The following TUSC3 variants were observed in gnomAD, a reference collection of about 807,000 sequenced individuals.
TUSC3 encodes the protein dolichyl-diphosphooligosaccharide--protein glycosyltransferase subunit TUSC3.
Under a neutral mutation model 44.8 loss-of-function variants are expected in TUSC3, and 45 were observed. That is an observed-to-expected ratio of 1.00 (90% CI 0.79 to 1.29). TUSC3 has a LOEUF of 1.29. Among genes scored for constraint, TUSC3 ranks in the 50% most tolerant of loss-of-function variants. TUSC3 has a pLI of 0.00. For missense variants in TUSC3, 519 were observed against 437.9 expected, an observed-to-expected ratio of 1.19 and a Z score of -1.65; for synonymous variants, 212 against 152.9, an observed-to-expected ratio of 1.39 and a Z score of -2.85.
At chr8:15,828,398 C>T in the TUSC3 span, among the ~76,000 whole-genome samples, 1 of 152,170 alleles carries the variant, frequency 6.6e-6, no homozygotes, top group South Asian at 2.1e-4. Flanking sequence ...TATCTACTGT[C>T]TTAGTTTCTG....
chr8:15,621,670 T>C (rs1367865189), intron 1 of TUSC3, among the ~76,000 whole-genome samples: 2 of 148,918 alleles, frequency 1.3e-5, no homozygotes, highest in East Asian at 1.9e-4. Flanking sequence ...TATATATTTT[T>C]ATATATAAAT....
chr8:15,586,134 A>G (rs776172254), intron 1 of TUSC3, among the ~76,000 whole-genome samples: 6 of 152,210 alleles, frequency 3.9e-5, no homozygotes, highest in African/African-American at 7.2e-5. Flanking sequence ...TATAAGGTCA[A>G]GTCAGAGAAG....
chr8:15,631,905 C>T (rs990629339), intron 2 of TUSC3, among the ~76,000 whole-genome samples: 2 of 152,038 alleles, frequency 1.3e-5, no homozygotes, highest in African/African-American at 4.8e-5. Context: ...GATGGGGTTT[C>T]AGCGTGTTGG....
chr8:15,797,495 G>C, the TUSC3 span, among the ~76,000 whole-genome samples: 1 of 152,274 alleles, frequency 6.6e-6, no homozygotes, highest in African/African-American at 2.4e-5. Context: ...GGATTTATCA[G>C]TTACTTTTGC....
chr8:15,809,674 T>A, the TUSC3 span, among the ~76,000 whole-genome samples: 1 of 152,228 alleles, frequency 6.6e-6, no homozygotes, highest in Non-Finnish European at 1.5e-5. Context: ...TGAATGTAGT[T>A]TCTCTCTCTG....
At chr8:15,664,967 G>T (rs915466378) in intron 5 of TUSC3, among the ~76,000 whole-genome samples, 10 of 151,168 alleles carry the variant, frequency 6.6e-5, no homozygotes, top group Non-Finnish European at 8.9e-5. Flanking sequence ...AACTGAATTT[G>T]TTCATATGTA....
intron 6 of TUSC3, among the ~76,000 whole-genome samples, chr8:15,699,749 G>C (rs796214763): frequency 2.6e-5 from 4 of 152,228 alleles, no homozygotes; most frequent in African/African-American, 9.6e-5. Flanking sequence ...AAAGAGTATG[G>C]ACTTTTTTTA....
the TUSC3 span, among the ~76,000 whole-genome samples, chr8:15,785,386 G>C: frequency 1.3e-5 from 2 of 151,582 alleles, no homozygotes; most frequent in East Asian, 1.9e-4. Context: ...TCTTAGCCTA[G>C]ATATCTTTAA....
At chr8:15,798,193 C>A in the TUSC3 span, among the ~76,000 whole-genome samples, 1 of 152,318 alleles carries the variant, frequency 6.6e-6, no homozygotes, top group African/African-American at 2.4e-5. Flanking sequence ...ACCGTACATT[C>A]ATATGTGGAA....
At chr8:15,469,755 C>T (rs910333279) in intron 1 of TUSC3, among the ~76,000 whole-genome samples, 11 of 152,178 alleles carry the variant, frequency 7.2e-5, no homozygotes, top group Non-Finnish European at 1.0e-4. Context: ...AGATGTCCTT[C>T]AGTGGATGAA....
intron 8 of TUSC3, among the ~76,000 whole-genome samples, chr8:15,747,811 C>A (rs1811486070): frequency 6.6e-6 from 1 of 152,042 alleles, no homozygotes; most frequent in Non-Finnish European, 1.5e-5. Context: ...GGAGTTTTCT[C>A]CCCTCTGGTT....
chr8:15,608,579 G>A lies in TUSC3; in HGVS notation c.139-14501G>A, dbSNP rs186468213. ...TTCATTTGTAATTCCCATGTGTCAC[G>A]GGAGGAACCTGATGGGAGGTGATTG... On this transcript the variant is annotated intron_variant, in intron 1 of 10. Coordinates refer to ENST00000503731, the MANE Select transcript of TUSC3 (RefSeq NM_006765.4). 3.5e-3 allele frequency among the ~76,000 whole-genome samples: 527 copies of A among 152,170 alleles called. 4 individuals carry two copies. The highest frequency in any genetic ancestry group is 0.012 in the African/African-American group (508 of 41,526).
chr8:15,643,405 TA>T (rs1481787387), intron 2 of TUSC3, among the ~76,000 whole-genome samples: 2 of 130,830 alleles, frequency 1.5e-5, no homozygotes, highest in Admixed American at 7.5e-5. Flanking sequence ...ATGTTACTGT[TA>T]GTTGTTTTTT....
At chr8:15,822,767 C>T in the TUSC3 span, among the ~76,000 whole-genome samples, 84 of 152,256 alleles carry the variant, frequency 5.5e-4, no homozygotes, top group African/African-American at 1.9e-3. Context: ...GGATTATCAG[C>T]TCTCATCTGC....
At chr8:15,559,725 T>C (rs1384294723) in intron 1 of TUSC3, among the ~76,000 whole-genome samples, 2 of 126,234 alleles carry the variant, frequency 1.6e-5, no homozygotes, top group Middle Eastern at 4.2e-3. Context: ...AGTTAGCTCT[T>C]CTTGTTGAAT....
At chr8:15,567,305 C>T (rs1476200367) in intron 1 of TUSC3, among the ~76,000 whole-genome samples, 3 of 152,116 alleles carry the variant, frequency 2.0e-5, no homozygotes, top group Admixed American at 2.0e-4. Context: ...CTTACTGTTT[C>T]TTTACTTAGC....
chr8:15,771,137 C>G (rs745848530), downstream of TUSC3, among the ~76,000 whole-genome samples: 1 of 152,130 alleles, frequency 6.6e-6, no homozygotes, highest in Non-Finnish European at 1.5e-5. Flanking sequence ...GCCAAGAATT[C>G]TGTACCTGGC....
chr8:15,590,497 TCCC>T (rs1803781288), intron 1 of TUSC3, among the ~76,000 whole-genome samples: 1 of 152,080 alleles, frequency 6.6e-6, no homozygotes, highest in Non-Finnish European at 1.5e-5. Context: ...TCTTGCCAAT[TCCC>T]CCATTAACAT....
chr8:15,587,538 G>T (rs1453255777), intron 1 of TUSC3, among the ~76,000 whole-genome samples: 1 of 152,078 alleles, frequency 6.6e-6, no homozygotes. Context: ...AGCATATCCA[G>T]CACCCCAAAT....
Sources: allele counts gnomAD v4.1 joint callset (sites outside exome capture counted in the v4.1 genomes callset), GRCh38; gene constraint gnomAD v4.1.1; transcripts MANE v1.5; gene names NCBI Gene and HGNC (gene_info 2026-07-23, HGNC 2026-07-21).